The following ROCK1 variants were observed in gnomAD, a reference collection of about 807,000 sequenced individuals.
ROCK1 encodes rho-associated protein kinase 1.
Under a neutral mutation model 196.8 loss-of-function variants are expected in ROCK1, and 36 were observed. That is an observed-to-expected ratio of 0.18 (90% CI 0.14 to 0.24). The LOEUF (loss-of-function observed/expected upper bound fraction) is 0.24. ROCK1 is among the 10% of genes least tolerant of loss of function. The pLI, the probability that ROCK1 is intolerant of heterozygous loss-of-function variation, is 1.00. For missense variants in ROCK1, 920 were observed against 1,562.0 expected, an observed-to-expected ratio of 0.59 and a Z score of 6.93; for synonymous variants, 443 against 515.9, an observed-to-expected ratio of 0.86 and a Z score of 1.91.
chr18:21,005,652 G>A (rs1320586737), intron 16 of ROCK1, among the ~76,000 whole-genome samples: 7 of 152,122 alleles, frequency 4.6e-5, no homozygotes, highest in Non-Finnish European at 8.8e-5. Context: ...CGAGGTGGGC[G>A]GATCGCTTGA....
intron 1 of ROCK1, among the ~76,000 whole-genome samples, chr18:21,081,011 G>T (rs2036478294): frequency 1.3e-5 from 2 of 151,988 alleles, no homozygotes; most frequent in South Asian, 4.1e-4. Context: ...AAACCAACTG[G>T]ACCTAACAGA....
chr18:21,067,732 T>C (rs1022338291), intron 2 of ROCK1, among the ~76,000 whole-genome samples: 1 of 152,194 alleles, frequency 6.6e-6, no homozygotes, highest in Non-Finnish European at 1.5e-5. Context: ...AGTTTTTTAT[T>C]TTGATGATGT....
At chr18:21,056,354 C>T (rs756493356) in intron 2 of ROCK1, among the ~76,000 whole-genome samples, 22 of 152,176 alleles carry the variant, frequency 1.4e-4, no homozygotes, top group Non-Finnish European at 2.9e-5. Flanking sequence ...AAACTTATAC[C>T]TATGTGTCCC....
At chr18:21,066,704 C>G (rs2036337790) in intron 2 of ROCK1, among the ~76,000 whole-genome samples, 1 of 152,158 alleles carries the variant, frequency 6.6e-6, no homozygotes, top group African/African-American at 2.4e-5. Context: ...CTTTTTGTGT[C>G]TGGCTTTTTT....
intron 32 of ROCK1, among the ~76,000 whole-genome samples, chr18:20,952,272 C>T (rs1162206407): frequency 6.6e-6 from 1 of 151,918 alleles, no homozygotes; most frequent in Non-Finnish European, 1.5e-5. Context: ...ATTCCAGCTA[C>T]TCAGGAGGCT....
chr18:20,970,686 C>T (rs1237490644), intron 22 of ROCK1, among the ~76,000 whole-genome samples, 173 bp from the exon 23 acceptor site: 1 of 152,160 alleles, frequency 6.6e-6, no homozygotes, highest in Non-Finnish European at 1.5e-5. Flanking sequence ...TTTAACCTCT[C>T]ACATGTTGAA....
At chr18:20,983,651 A>G (rs1489271713) in intron 20 of ROCK1, among the ~76,000 whole-genome samples, 1 of 152,170 alleles carries the variant, frequency 6.6e-6, no homozygotes, top group African/African-American at 2.4e-5. Flanking sequence ...ATGCTGAGCG[A>G]GAGTATTTTT....
At chr18:20,987,585 T>C (rs2035588384) in intron 18 of ROCK1, among the ~76,000 whole-genome samples, 1 of 152,200 alleles carries the variant, frequency 6.6e-6, no homozygotes, top group South Asian at 2.1e-4. Flanking sequence ...GTAGTATACC[T>C]CTTTTAATTA....
intron 1 of ROCK1, among the ~76,000 whole-genome samples, chr18:21,104,898 T>C (rs1319176819): frequency 6.6e-6 from 1 of 152,208 alleles, no homozygotes; most frequent in East Asian, 1.9e-4. Flanking sequence ...AATAAATGTC[T>C]CAATTTTCAG....
At chr18:21,065,939 T>C (rs1172784163) in intron 2 of ROCK1, among the ~76,000 whole-genome samples, 1 of 152,198 alleles carries the variant, frequency 6.6e-6, no homozygotes, top group East Asian at 1.9e-4. Flanking sequence ...TTAAAAATTA[T>C]ATTTGAGGCT....
intron 13 of ROCK1, among the ~76,000 whole-genome samples, chr18:21,013,724 G>A (rs1025193929): frequency 2.0e-5 from 3 of 152,084 alleles, no homozygotes; most frequent in African/African-American, 7.2e-5. Flanking sequence ...ACAGCATAGT[G>A]GAGATGGAAG....
chr18:21,045,214 T>C, intron 5 of ROCK1, 78 bp downstream of exon 5: 1 of 1,288,374 alleles, frequency 7.8e-7, no homozygotes, highest in Non-Finnish European at 1.1e-6. Context: ...ATGGGTGAAC[T>C]GAGAGTAAGA....
intron 1 of ROCK1, among the ~76,000 whole-genome samples, chr18:21,073,609 C>A (rs1225468586): frequency 6.6e-6 from 1 of 152,094 alleles, no homozygotes; most frequent in Non-Finnish European, 1.5e-5. Flanking sequence ...AAGAAACATT[C>A]ATTTTTAGGT....
At chr18:20,995,335 G>A (rs1400191400) in intron 16 of ROCK1, among the ~76,000 whole-genome samples, 2 of 152,276 alleles carry the variant, frequency 1.3e-5, no homozygotes, top group East Asian at 3.9e-4. Flanking sequence ...GCAGAGAAGG[G>A]CCAAATAGAA....
chr18:21,105,981 GGAA>G (rs2036699666), intron 1 of ROCK1, among the ~76,000 whole-genome samples: 1 of 152,120 alleles, frequency 6.6e-6, no homozygotes, highest in Non-Finnish European at 1.5e-5. Context: ...ATAATTTAAA[GGAA>G]GAAAAACTCA....
At position 21,049,129 on chromosome 18, in the gene ROCK1, T is replaced by C. The variant is rs759571711; in HGVS notation, c.377A>G (p.Asp126Gly). Residue 126 changes from aspartate (D) to glycine (G), a missense_variant, in exon 4 of 33, where the codon GAC becomes GGC. Physicochemically the swap from Asp to Gly is moderately conservative, Grantham distance 94 (BLOSUM62 -1). This residue lies in a region of ROCK1 where 234 missense variants were observed against 460.7 expected (regional missense o/e 0.51). Coordinates refer to ENST00000399799, the MANE Select transcript of ROCK1 (RefSeq NM_005406.3). ...AGGACTGTTGGCAAAAGCCATGATG[T>C]CCCTTTCTTCCCAGAAAAAAGCAGA... ...SDSAFFWEER[D>G]IMAFANSPWV... 6.2e-7 allele frequency: 1 copy of C among 1,612,200 alleles called. No homozygotes were observed. The highest frequency in any genetic ancestry group is 1.1e-5 in the South Asian group (1 of 90,838).
Position 21,008,166 on chromosome 18 carries a change from G to A in ROCK1, c.1439C>T (p.Thr480Ile). 1.3e-6 allele frequency: 2 copies of A among 1,584,320 alleles called. No individual in the cohort carries two copies. The highest frequency in any genetic ancestry group is 2.3e-5 in the East Asian group (1 of 42,814). Residue 480 changes from threonine to isoleucine, a missense_variant, in exon 14 of 33, where the codon ACA becomes ATA. This residue lies in a region of ROCK1 where 520 missense variants were observed against 657.1 expected (regional missense o/e 0.79). Coordinates refer to ENST00000399799, the MANE Select transcript of ROCK1 (RefSeq NM_005406.3). Reference sequence around the variant, plus strand: ...TTTCTCCTTCTCAATCTGAGACACTGTAGATTCTAGATTTCTTCTTTGATT... The same window carrying A: ...TTTCTCCTTCTCAATCTGAGACACTATAGATTCTAGATTTCTTCTTTGATT... ...EGNQRRNLES[T>I]VSQIEKEKML...
In ROCK1 at chr18:20,979,916, T is replaced by C; in HGVS notation, c.2648A>G (p.Asn883Ser). 11 of 1,534,126 alleles carry C rather than the reference T, an allele frequency of 7.2e-6. No homozygotes were observed. Among genetic ancestry groups the C allele is most frequent in the Non-Finnish European group, 7.0e-6 (8 of 1,139,348 alleles). Residue 883 changes from asparagine to serine, a missense_variant, in exon 22 of 33, where the codon AAT (asparagine) becomes AGT (serine). Transcript: ENST00000399799. Reference protein sequence around the residue: ...ENLKKIQELQNEKETLATQLD... With the variant: ...ENLKKIQELQSEKETLATQLD... ...TAAAGTAAAATGGACATACTTTTCATTTTGTAGTTCCTGTATTTTCTTTAA... is the reference window on the plus strand; with the variant it reads ...TAAAGTAAAATGGACATACTTTTCACTTTGTAGTTCCTGTATTTTCTTTAA...
intron 9 of ROCK1, among the ~76,000 whole-genome samples, chr18:21,037,186 G>A (rs2036064990): frequency 6.6e-6 from 1 of 152,008 alleles, no homozygotes; most frequent in Non-Finnish European, 1.5e-5. Flanking sequence ...TATCTCAAAT[G>A]AGTGGAAAAA....
Sources: gnomAD v4.1 joint callset for allele counts (sites outside exome capture counted in the v4.1 genomes callset) on GRCh38, gnomAD v4.1.1 for gene constraint, gnomAD v4.1.1 regional missense constraint, MANE v1.5 for transcripts, NCBI Gene and HGNC (gene_info 2026-07-23, HGNC 2026-07-21) for gene names.